The following MCM6 variants were observed in gnomAD, a reference collection of about 807,000 sequenced individuals.
MCM6 encodes the protein DNA replication licensing factor MCM6.
Under a neutral mutation model 94.3 loss-of-function variants are expected in MCM6, and 46 were observed. The observed-to-expected ratio is 0.49, with a 90% CI of 0.39 to 0.62. The LOEUF (loss-of-function observed/expected upper bound fraction) is 0.62. Among genes scored for constraint, MCM6 ranks in the 20% least tolerant of loss-of-function variants. The pLI, the probability that MCM6 is intolerant of heterozygous loss-of-function variation, is 0.00. For missense variants in MCM6, 865 were observed against 1,017.9 expected (o/e 0.85, Z 2.04); for synonymous variants, 335 against 351.9 (o/e 0.95, Z 0.54).
chr2:135,862,847 C>G, intron 7 of MCM6, 99 bp from the exon 8 acceptor site: 1 of 1,284,694 alleles, frequency 7.8e-7, no homozygotes, highest in Non-Finnish European at 1.1e-6. Flanking sequence ...AACCGAAAGG[C>G]AGAGTCAGCT....
chr2:135,868,593 C>G lies in MCM6; in HGVS notation c.615+18G>C. ...TATCATAGATGGACTCTGATCTAAA[C>G]AGATGTTAAATAAATACCTTTTGAA... is the stretch of plus-strand genomic sequence containing the variant. On this transcript the variant is annotated intron_variant, in intron 4 of 16. Transcript: ENST00000264156. The G allele has an allele frequency of 6.2e-7, 1 of 1,611,778 alleles. No homozygotes were observed. The highest frequency in any genetic ancestry group is 8.5e-7 in the Non-Finnish European group (1 of 1,177,984).
At chr2:135,852,205 C>A (rs1679790980) in intron 12 of MCM6, among the ~76,000 whole-genome samples, 1 of 152,124 alleles carries the variant, frequency 6.6e-6, no homozygotes, top group South Asian at 2.1e-4. Flanking sequence ...ATGATCAATA[C>A]CTAGTAACAC....
At chr2:135,858,756 A>G (rs1474527386) in intron 9 of MCM6, among the ~76,000 whole-genome samples, 3 of 152,248 alleles carry the variant, frequency 2.0e-5, no homozygotes, top group African/African-American at 7.2e-5. Flanking sequence ...TTTTATACCT[A>G]TAACTTATAT....
intron 13 of MCM6, 134 bp downstream of exon 13, chr2:135,851,268 A>G: frequency 3.1e-6 from 2 of 653,614 alleles, no homozygotes; most frequent in South Asian, 2.6e-5. Flanking sequence ...GAAGAATTCC[A>G]TGGTCGTATG....
intron 13 of MCM6, 100 bp from the exon 14 acceptor site, chr2:135,848,288 C>A: frequency 1.4e-6 from 1 of 735,494 alleles, no homozygotes. Flanking sequence ...GGTTTTCTCA[C>A]AAACACACAC....
rs1225629642 is a variant in MCM6, at chr2:135,862,805, CTT to C, written c.1079-59_1079-58del. On this transcript the variant is annotated intron_variant, in intron 7 of 16. Coordinates refer to ENST00000264156, the MANE Select transcript of MCM6 (RefSeq NM_005915.6). Reference sequence around the variant, plus strand: ...TAATTTTTCAACATGAAGTTAAACACTTTCAGAAGAAACAGTAAAGGCATGTT... The same window carrying C: ...TAATTTTTCAACATGAAGTTAAACACTCAGAAGAAACAGTAAAGGCATGTT... 24 of 1,582,648 alleles carry C rather than the reference CTT, an allele frequency of 1.5e-5. No individual in the cohort carries two copies. In the East Asian group the frequency reaches 5.2e-4, roughly 34 times the overall value.
rs142761194 is a variant in MCM6 at position 135,868,545 on chromosome 2, G to T, written c.615+66C>A. On this transcript the variant is annotated intron_variant, in intron 4 of 16. Transcript: ENST00000264156. The stretch of plus-strand genomic sequence containing the variant: ...TTGAACATTATCTAAATAAGCTATT[G>T]CAAGGGCCTAGAAGTGAATTATTAT... 7.3e-6 allele frequency: 11 copies of T among 1,515,692 alleles called. No homozygotes were observed. In the African/African-American group the frequency reaches 1.4e-4, roughly 19 times the overall value. 93.9% of individuals were successfully genotyped at this position (1,515,692 alleles called of 1,614,324 possible).
intron 13 of MCM6, among the ~76,000 whole-genome samples, chr2:135,849,375 A>G (rs1679729004): frequency 6.6e-6 from 1 of 152,214 alleles, no homozygotes; most frequent in Non-Finnish European, 1.5e-5. Flanking sequence ...GATGTGTAGC[A>G]CAAGCAAAAA....
chr2:135,862,820 G>A, intron 7 of MCM6, 72 bp from the exon 8 acceptor site: 1 of 1,527,296 alleles, frequency 6.5e-7, no homozygotes, highest in Non-Finnish European at 9.0e-7. Context: ...AGAAGAAACA[G>A]TAAAGGCATG....
chr2:135,847,582 G>A (rs1218390490), intron 14 of MCM6, among the ~76,000 whole-genome samples: 4 of 151,860 alleles, frequency 2.6e-5, no homozygotes. Context: ...TGTATTTTTT[G>A]AGACAGAGTC....
Position 135,840,791 on chromosome 2 carries a change from G to A in MCM6, c.*44C>T, listed in dbSNP as rs761190719. 4.5e-6 allele frequency: 6 copies of A among 1,345,640 alleles called. No homozygotes were observed. The highest frequency in any genetic ancestry group is 3.5e-5 in the South Asian group (3 of 85,450). The allele number at this position is 1,345,640 out of a possible 1,614,324, so 83.4% of individuals were successfully genotyped here. A position where few individuals can be genotyped will look rare whatever the true frequency, so the allele number is the denominator to read the frequency against. On this transcript the variant is annotated 3_prime_UTR_variant, in exon 17 of 17. Transcript: ENST00000264156. ...CCAGCCAGGCTCCAGGCCACGAGGT[G>A]CTGTGCCACAGTTCCTCAGCTCTGG...
At position 135,876,118 on chromosome 2, in the gene MCM6, A is replaced by T. The variant is rs1285713246; in HGVS notation, c.107+141T>A. On this transcript the variant is annotated intron_variant, in intron 1 of 16. Transcript: ENST00000264156. ...CTCGCGGCCGCCGGGCTCGGAGCCTAAAGTTGGGGGGCGGGCGGGGAGGCG... is the reference window on the plus strand; with the variant it reads ...CTCGCGGCCGCCGGGCTCGGAGCCTTAAGTTGGGGGGCGGGCGGGGAGGCG... The T allele has an allele frequency of 6.6e-6, 4 of 602,006 alleles. No homozygotes were observed. The African/African-American group carries it at 7.9e-5, about 12-fold the overall frequency. 37.3% of individuals were successfully genotyped at this position (602,006 alleles called of 1,614,324 possible).
At position 135,846,664 on chromosome 2, in the gene MCM6, CA is replaced by C. The variant is rs752240233; in HGVS notation, c.2054-273del. On this transcript the variant is annotated intron_variant, in intron 14 of 16. Coordinates refer to ENST00000264156, the MANE Select transcript of MCM6 (RefSeq NM_005915.6). Reference sequence around the variant, plus strand: ...GCCTTAACACTAATTTTAAAACAAGCATACATTCCCACATGATCTCCTCTGC... The same window carrying C: ...GCCTTAACACTAATTTTAAAACAAGCTACATTCCCACATGATCTCCTCTGC... Among the ~76,000 whole-genome samples, 318 of 151,850 alleles carry C rather than the reference CA, an allele frequency of 2.1e-3. 2 individuals carry two copies. The highest frequency in any genetic ancestry group is 3.1e-3 in the Non-Finnish European group (212 of 67,936).
At chr2:135,842,671 G>T (rs1475442853) in intron 16 of MCM6, among the ~76,000 whole-genome samples, 1 of 152,204 alleles carries the variant, frequency 6.6e-6, no homozygotes, top group Non-Finnish European at 1.5e-5. Flanking sequence ...TAGCAAGAAA[G>T]GTTTCTTTGA....
chr2:135,851,492 C>T lies in MCM6; in HGVS notation c.1827G>A (p.Val609=). Residue 609 remains valine, a synonymous_variant, in exon 13 of 17, where the codon GTG becomes GTA. Coordinates refer to ENST00000264156, the MANE Select transcript of MCM6 (RefSeq NM_005915.6). ...KHLRQRDGSG[V]TKSSWRITVR... Reference sequence around the variant, plus strand: ...CTGTAATCCTCCATGAAGACTTGGTCACTCCAGAACCATCTCTCTGGCGGA... The same window carrying T: ...CTGTAATCCTCCATGAAGACTTGGTTACTCCAGAACCATCTCTCTGGCGGA... The T allele has an allele frequency of 1.2e-6, 2 of 1,613,744 alleles. No homozygotes were observed. The highest frequency in any genetic ancestry group is 1.7e-6 in the Non-Finnish European group (2 of 1,179,872).
rs117396067 is a variant in MCM6 at position 135,845,749 on chromosome 2, G to A, written c.2209+488C>T. On this transcript the variant is annotated intron_variant, in intron 15 of 16. Coordinates refer to ENST00000264156, the MANE Select transcript of MCM6 (RefSeq NM_005915.6). ...TGAATAGCATGGTAAAGCAGTTAAG[G>A]GTAGGAAGCGTACTAGTGTCCAGAC... 1.2e-4 allele frequency among the ~76,000 whole-genome samples: 18 copies of A among 152,206 alleles called. No homozygotes were observed. The East Asian group carries it at 1.7e-3, about 15-fold the overall frequency.
intron 1 of MCM6, among the ~76,000 whole-genome samples, chr2:135,873,461 C>G (rs309130): frequency 6.6e-6 from 1 of 152,014 alleles, no homozygotes; most frequent in Admixed American, 6.5e-5. Flanking sequence ...CCCAAGACTT[C>G]GGGAAAATTG....
intron 12 of MCM6, among the ~76,000 whole-genome samples, chr2:135,852,227 CAA>C (rs1184992953): frequency 6.6e-6 from 1 of 152,116 alleles, no homozygotes; most frequent in East Asian, 1.9e-4. Flanking sequence ...TTCCAGAAGT[CAA>C]GTTAGCCAAC....
rs1278742510 is a variant in MCM6, at chr2:135,840,581, G to A, written c.*254C>T. 4 of 421,894 alleles carry A rather than the reference G, an allele frequency of 9.5e-6. No individual in the cohort carries two copies. The South Asian group carries it at 1.4e-4, about 14-fold the overall frequency. The allele number at this position is 421,894 out of a possible 1,614,324, so 26.1% of individuals were successfully genotyped here. A position where few individuals can be genotyped will look rare whatever the true frequency, so the allele number is the denominator to read the frequency against. On this transcript the variant is annotated 3_prime_UTR_variant, in exon 17 of 17. Coordinates refer to ENST00000264156, the MANE Select transcript of MCM6 (RefSeq NM_005915.6). ...CATGAAAACAAAGGTATTGGTTATAGAGACTACACATTATTTGGTTCCAAC... is the reference window on the plus strand; with the variant it reads ...CATGAAAACAAAGGTATTGGTTATAAAGACTACACATTATTTGGTTCCAAC...
Sources: gnomAD v4.1 joint callset for allele counts (sites outside exome capture counted in the v4.1 genomes callset) on GRCh38, gnomAD v4.1.1 for gene constraint, MANE v1.5 for transcripts, NCBI Gene and HGNC (gene_info 2026-07-23, HGNC 2026-07-21) for gene names.